KCNIP4: variants seen among roughly 807,000 people sequenced by gnomAD.
KCNIP4 encodes the protein potassium voltage-gated channel interacting protein 4.
KCNIP4 carries 12 observed loss-of-function variants against 34.0 expected under a neutral mutation model. The ratio of observed to expected loss-of-function variants is 0.35; its 90% CI spans 0.23 to 0.57. The LOEUF (loss-of-function observed/expected upper bound fraction) is 0.57. KCNIP4 is among the 20% of genes least tolerant of loss of function. KCNIP4 has a pLI of 0.83. For missense variants in KCNIP4, 238 were observed against 311.7 expected, an observed-to-expected ratio of 0.76 and a Z score of 1.78; for synonymous variants, 124 against 102.2, an observed-to-expected ratio of 1.21 and a Z score of -1.29.
At chr4:21,414,820 T>C (rs1022006818) in intron 1 of KCNIP4, among the ~76,000 whole-genome samples, 17 of 152,196 alleles carry the variant, frequency 1.1e-4, no homozygotes, top group Admixed American at 2.6e-4. Context: ...GAATATTTAA[T>C]TTTTATGGGC....
At chr4:21,812,069 G>C (rs539908113) in intron 1 of KCNIP4, among the ~76,000 whole-genome samples, 3 of 152,066 alleles carry the variant, frequency 2.0e-5, no homozygotes, top group Non-Finnish European at 2.9e-5. Flanking sequence ...AATGTCTCTA[G>C]GTATCCCATG....
intron 1 of KCNIP4, among the ~76,000 whole-genome samples, chr4:21,791,974 C>T (rs567273076): frequency 3.6e-5 from 5 of 137,602 alleles, no homozygotes; most frequent in Non-Finnish European, 7.5e-5. Context: ...TGTACTCCAG[C>T]CTGGTGACAG....
At chr4:21,046,835 C>A (rs1263137070) in intron 1 of KCNIP4, among the ~76,000 whole-genome samples, 1 of 152,172 alleles carries the variant, frequency 6.6e-6, no homozygotes, top group Non-Finnish European at 1.5e-5. Context: ...AGGTAATCCA[C>A]CCGCCTCCTG....
intron 1 of KCNIP4, among the ~76,000 whole-genome samples, chr4:21,534,503 T>C (rs1024255269): frequency 6.6e-6 from 1 of 152,150 alleles, no homozygotes; most frequent in Non-Finnish European, 1.5e-5. Context: ...CTTGAGTCCA[T>C]AGCTGTAGTG....
At chr4:21,855,788 C>G (rs894801070) in intron 1 of KCNIP4, 3 of 152,210 alleles carry the variant, frequency 2.0e-5, no homozygotes, top group Non-Finnish European at 2.9e-5. Flanking sequence ...CAGTCTGAAA[C>G]TATCTTCTTG....
intron 1 of KCNIP4, among the ~76,000 whole-genome samples, chr4:21,836,214 C>T (rs1199934325): frequency 1.3e-5 from 2 of 152,060 alleles, no homozygotes; most frequent in African/African-American, 2.4e-5. Context: ...TATTCCATAA[C>T]AAAATTTTTT....
intron 1 of KCNIP4, among the ~76,000 whole-genome samples, chr4:21,770,936 CTTTAG>C (rs1718739220): frequency 6.6e-6 from 1 of 152,070 alleles, no homozygotes; most frequent in Non-Finnish European, 1.5e-5. Context: ...TGCAGAAGCT[CTTTAG>C]TTTAATTAGA....
At chr4:21,221,360 T>G (rs780893903) in intron 1 of KCNIP4, among the ~76,000 whole-genome samples, 7 of 152,166 alleles carry the variant, frequency 4.6e-5, no homozygotes, top group Non-Finnish European at 4.4e-5. Context: ...TGGGGTAATT[T>G]ATAAAAGGAA....
At chr4:21,320,364 G>A (rs888545024) in intron 1 of KCNIP4, among the ~76,000 whole-genome samples, 2 of 152,232 alleles carry the variant, frequency 1.3e-5, no homozygotes, top group East Asian at 3.9e-4. Context: ...TAGCATACTC[G>A]GGCACTGGGA....
chr4:21,435,466 T>C (rs1248267851), intron 1 of KCNIP4, among the ~76,000 whole-genome samples: 1 of 152,192 alleles, frequency 6.6e-6, no homozygotes, highest in African/African-American at 2.4e-5. Context: ...CTTCATTGTT[T>C]ATCAGGTTTG....
chr4:21,170,011 G>A (rs917667614), intron 1 of KCNIP4, among the ~76,000 whole-genome samples: 1 of 152,106 alleles, frequency 6.6e-6, no homozygotes, highest in African/African-American at 2.4e-5. Flanking sequence ...CTGTCTATCA[G>A]AGCCTTAGTA....
chr4:20,774,098 TTAAATAAAG>T (rs1164217385), intron 3 of KCNIP4, among the ~76,000 whole-genome samples: 1 of 152,196 alleles, frequency 6.6e-6, no homozygotes, highest in Non-Finnish European at 1.5e-5. Context: ...ATTATGAGGC[TTAAATAAAG>T]ATAACCCATG....
At chr4:20,781,276 G>T (rs1387734333) in intron 3 of KCNIP4, among the ~76,000 whole-genome samples, 1 of 152,158 alleles carries the variant, frequency 6.6e-6, no homozygotes, top group Non-Finnish European at 1.5e-5. Context: ...TTGCCCATTT[G>T]AAGCAAATCT....
intron 1 of KCNIP4, among the ~76,000 whole-genome samples, chr4:21,570,666 T>G (rs1003057156): frequency 6.6e-6 from 1 of 152,146 alleles, no homozygotes; most frequent in African/African-American, 2.4e-5. Context: ...AGCATGTCAA[T>G]GGATTAGGAA....
At chr4:20,958,537 T>C (rs1033498034) in intron 1 of KCNIP4, among the ~76,000 whole-genome samples, 2 of 152,188 alleles carry the variant, frequency 1.3e-5, no homozygotes, top group African/African-American at 4.8e-5. Flanking sequence ...TAAAGTGTGG[T>C]TTCCCTTTAG....
chr4:21,445,837 A>G (rs944990517), intron 1 of KCNIP4, among the ~76,000 whole-genome samples: 5 of 152,252 alleles, frequency 3.3e-5, no homozygotes, highest in Admixed American at 3.3e-4. Context: ...TGAACAGGCA[A>G]CACACAGAAT....
chr4:21,016,234 T>C (rs987425145), intron 1 of KCNIP4, among the ~76,000 whole-genome samples: 1 of 151,226 alleles, frequency 6.6e-6, no homozygotes, highest in African/African-American at 2.4e-5. Flanking sequence ...ATTCCAAATA[T>C]ACCCTTTTAT....
intron 1 of KCNIP4, among the ~76,000 whole-genome samples, chr4:20,945,932 T>G (rs1732146860): frequency 6.6e-6 from 1 of 152,064 alleles, no homozygotes. Flanking sequence ...AACTATAGTT[T>G]AGTAGACAAA....
chr4:21,947,090 T>C (rs1730551407), intron 1 of KCNIP4, among the ~76,000 whole-genome samples: 1 of 152,078 alleles, frequency 6.6e-6, no homozygotes, highest in African/African-American at 2.4e-5. Context: ...CAGCCTTGAG[T>C]TCCCTGGGCT....
Sources: gnomAD v4.1 joint callset for allele counts (sites outside exome capture counted in the v4.1 genomes callset) on GRCh38, gnomAD v4.1.1 for gene constraint, MANE v1.5 for transcripts, NCBI Gene and HGNC (gene_info 2026-07-23, HGNC 2026-07-21) for gene names.